Variants in ZNF236 observed in about 807,000 individuals in gnomAD.
ZNF236 encodes the protein zinc finger protein 236.
In ZNF236, 50 loss-of-function variants were observed where a neutral mutation model predicts 191.2. That is an observed-to-expected ratio of 0.26 (90% CI 0.21 to 0.33). The LOEUF is 0.33. Among genes scored for constraint, ZNF236 ranks in the 10% least tolerant of loss-of-function variants. The pLI, the probability that ZNF236 is intolerant of heterozygous loss-of-function variation, is 1.00. For missense variants in ZNF236, 1,754 were observed against 2,374.5 expected (o/e 0.74, Z 5.43); for synonymous variants, 907 against 928.8 (o/e 0.98, Z 0.43).
At chr18:76,884,639 C>A (rs1024221361) in intron 9 of ZNF236, among the ~76,000 whole-genome samples, 1 of 152,160 alleles carries the variant, frequency 6.6e-6, no homozygotes, top group Non-Finnish European at 1.5e-5. Context: ...CCGTGAACTT[C>A]GGTGTACTCT....
intron 25 of ZNF236, among the ~76,000 whole-genome samples, chr18:76,934,300 A>C (rs1967938712): frequency 1.3e-5 from 2 of 152,240 alleles, no homozygotes; most frequent in African/African-American, 4.8e-5. Flanking sequence ...ACTATTTCAG[A>C]GTTTCATCCC....
At chr18:76,930,557 G>A (rs1599404913) in intron 25 of ZNF236, among the ~76,000 whole-genome samples, 1 of 152,282 alleles carries the variant, frequency 6.6e-6, no homozygotes, top group South Asian at 2.1e-4. Flanking sequence ...AAGCAAATGT[G>A]TTTTAGTAGG....
At chr18:76,834,823 A>G in intron 1 of ZNF236, 1 of 471,014 alleles carries the variant, frequency 2.1e-6, no homozygotes, top group South Asian at 1.6e-5. Context: ...GAATGTGGGA[A>G]GGTGCATTGA....
intron 9 of ZNF236, among the ~76,000 whole-genome samples, chr18:76,892,630 C>T (rs1833055161): frequency 6.6e-6 from 1 of 152,122 alleles, no homozygotes; most frequent in Non-Finnish European, 1.5e-5. Flanking sequence ...TGCAATGGTG[C>T]AGTCTTGGCT....
At chr18:76,893,398 TC>T (rs1977305732) in intron 9 of ZNF236, among the ~76,000 whole-genome samples, 1 of 152,222 alleles carries the variant, frequency 6.6e-6, no homozygotes, top group Non-Finnish European at 1.5e-5. Flanking sequence ...CTTATTTCCT[TC>T]TCCATTTTTA....
intron 1 of ZNF236, 48 bp from the exon 2 acceptor site, chr18:76,849,478 T>G: frequency 3.4e-5 from 49 of 1,445,046 alleles, no homozygotes; most frequent in Non-Finnish European, 4.3e-5. Context: ...ATTTATGTGA[T>G]GAGAATAACA....
At chr18:76,848,085 C>T (rs1975749636) in intron 1 of ZNF236, among the ~76,000 whole-genome samples, 1 of 152,160 alleles carries the variant, frequency 6.6e-6, no homozygotes, top group Non-Finnish European at 1.5e-5. Flanking sequence ...TCACCTACCT[C>T]CTGTCTTTTG....
At chr18:76,928,988 T>A (rs1358059976) in intron 25 of ZNF236, among the ~76,000 whole-genome samples, 2 of 149,388 alleles carry the variant, frequency 1.3e-5, no homozygotes, top group Non-Finnish European at 3.0e-5. Context: ...CAAAACACGC[T>A]CCGTGGAGAT....
intron 22 of ZNF236, among the ~76,000 whole-genome samples, chr18:76,926,671 GTATA>G (rs1967690715): frequency 9.9e-6 from 1 of 101,196 alleles, no homozygotes; most frequent in Non-Finnish European, 2.2e-5. Flanking sequence ...GACTGTGTGT[GTATA>G]TATGGTATAA....
In ZNF236 at chr18:76,880,386, G is replaced by A. The variant is rs553513413; in HGVS notation, c.1188+70G>A. 5.5e-6 allele frequency: 8 copies of A among 1,463,480 alleles called. 1 individual carries two copies. In the South Asian group the frequency reaches 1.1e-4, roughly 20 times the overall value. The allele number at this position is 1,463,480 out of a possible 1,614,324, so 90.7% of individuals were successfully genotyped here. ...GGGTCAGAAACCAGGGATGATAATT[G>A]AGAATAAATCTGCAGGGCTTGTCAA... is the stretch of plus-strand genomic sequence containing the variant. On this transcript the variant is annotated intron_variant, in intron 8 of 30. Coordinates refer to ENST00000320610, the MANE Select transcript of ZNF236 (RefSeq NM_001306089.2). This position sits in a 1 kb window ranked among gnomAD's most constrained non-coding sequence, Gnocchi z 5.0.
chr18:76,882,356 C>T (rs1327412632), intron 9 of ZNF236, among the ~76,000 whole-genome samples: 13 of 152,134 alleles, frequency 8.5e-5, no homozygotes, highest in Non-Finnish European at 1.6e-4. Context: ...AGGATTCCTG[C>T]GTTCTCTCAT....
At position 76,925,338 on chromosome 18, in the gene ZNF236, C is replaced by T; in HGVS notation, c.3811C>T (p.His1271Tyr). The change falls in exon 22 of 31, where the codon CAC (histidine) becomes TAC (tyrosine). Residue 1271 changes from histidine (H) to tyrosine (Y), a missense_variant. Physicochemically the swap from His to Tyr is moderately conservative, Grantham distance 83. Around this residue, in one of 5 missense-constraint regions of ZNF236, gnomAD observed 606 missense variants for 761.5 expected, o/e 0.80. Coordinates refer to ENST00000320610, the MANE Select transcript of ZNF236 (RefSeq NM_001306089.2). The surrounding 1 kb of genome is among the most constrained non-coding windows in gnomAD (Gnocchi z 5.7). ...RFRTSGRRKT[H>Y]MQFHYKPDPK... ...CCGTACCTCGGGTAGAAGAAAGACA[C>T]ACATGCAGTTTCATTATAAACCAGA... The T allele has an allele frequency of 6.2e-7, 1 of 1,614,202 alleles. No individual in the cohort carries two copies. The highest frequency in any genetic ancestry group is 8.5e-7 in the Non-Finnish European group (1 of 1,180,036).
In ZNF236 at chr18:76,836,318, G is replaced by A. The variant is rs185288617; in HGVS notation, c.56-13208G>A. ...TCACTGCAGCCCCAAACCCCCGGGC[G>A]CAAGTGATTCTCCTGCCTCAGTCTC... On this transcript the variant is annotated intron_variant, in intron 1 of 30. Coordinates refer to ENST00000320610, the MANE Select transcript of ZNF236 (RefSeq NM_001306089.2). 6.2e-4 allele frequency among the ~76,000 whole-genome samples: 90 copies of A among 145,928 alleles called. 3 individuals carry two copies. In the South Asian group the frequency reaches 9.6e-3, roughly 16 times the overall value.
chr18:76,927,076 T>C lies in ZNF236; in HGVS notation c.4067T>C (p.Leu1356Pro). 1 of 1,613,888 alleles carries C rather than the reference T, an allele frequency of 6.2e-7. No homozygotes were observed. Among genetic ancestry groups the C allele is most frequent in the Non-Finnish European group, 8.5e-7 (1 of 1,179,806 alleles). The change falls in exon 23 of 31, where the codon CTG (leucine) becomes CCG (proline). Residue 1356 changes from leucine (L) to proline (P), a missense_variant. Transcript: ENST00000320610. The surrounding 1 kb of genome is among the most constrained non-coding windows in gnomAD (Gnocchi z 5.4). ...ACCGTGTCTCTGACAGATGGGAGCC[T>C]GGCTACCCTAGAAGGCATCCAGTTA... ...DLTVSLTDGSLATLEGIQLQL... is the reference protein window; with the variant it reads ...DLTVSLTDGSPATLEGIQLQL...
At chr18:76,835,351 G>A (rs1272509570) in intron 1 of ZNF236, among the ~76,000 whole-genome samples, 1 of 152,098 alleles carries the variant, frequency 6.6e-6, no homozygotes, top group Non-Finnish European at 1.5e-5. Flanking sequence ...TGTTCCATGT[G>A]CACTTGAAAA....
intron 1 of ZNF236, among the ~76,000 whole-genome samples, chr18:76,831,984 TGTCA>T (rs1485535200): frequency 6.6e-6 from 1 of 152,228 alleles, no homozygotes; most frequent in African/African-American, 2.4e-5. Context: ...AATAACAATT[TGTCA>T]GTCCTTTAGT....
chr18:76,827,193 G>A (rs772852293), intron 1 of ZNF236, among the ~76,000 whole-genome samples: 11 of 150,832 alleles, frequency 7.3e-5, no homozygotes, highest in African/African-American at 1.2e-4. Flanking sequence ...ACAGTGCCCG[G>A]CCTGTTGTTG....
intron 21 of ZNF236, among the ~76,000 whole-genome samples, chr18:76,924,425 G>T (rs1252057719): frequency 6.6e-6 from 1 of 152,220 alleles, no homozygotes; most frequent in Non-Finnish European, 1.5e-5. Context: ...AAGTAGAGGT[G>T]TGATTTCTGA....
At chr18:76,874,533 G>C (rs1357059294) in intron 5 of ZNF236, among the ~76,000 whole-genome samples, 6 of 152,004 alleles carry the variant, frequency 3.9e-5, no homozygotes, top group Admixed American at 3.9e-4. Context: ...ATTCTAGGGA[G>C]GGGAGGTGGA....
Sources: gnomAD v4.1 joint callset for allele counts (sites outside exome capture counted in the v4.1 genomes callset) on GRCh38, gnomAD v4.1.1 for gene constraint, gnomAD v4.1.1 regional missense constraint, Gnocchi (gnomAD v3.1) non-coding constraint, MANE v1.5 for transcripts, NCBI Gene and HGNC (gene_info 2026-07-23, HGNC 2026-07-21) for gene names.